The following NBEAL1 variants were observed in gnomAD, a reference collection of about 807,000 sequenced individuals.
The protein encoded by NBEAL1 is neurobeachin-like protein 1.
A neutral mutation model predicts 351.3 loss-of-function variants in NBEAL1; 273 were observed. That is an observed-to-expected ratio of 0.78 (90% CI 0.70 to 0.86). NBEAL1 has a LOEUF of 0.86. Among genes scored for constraint, NBEAL1 ranks in the 40% least tolerant of loss-of-function variants. The pLI, the probability that NBEAL1 is intolerant of heterozygous loss-of-function variation, is 0.00. For missense variants in NBEAL1, 2,961 were observed against 3,201.3 expected (o/e 0.92, Z 1.81); for synonymous variants, 1,050 against 1,086.4 (o/e 0.97, Z 0.66).
In NBEAL1 at chr2:203,038,275, A is replaced by G. The variant is rs1428819500; in HGVS notation, c.52-3490A>G. Among the ~76,000 whole-genome samples, 3 of 149,020 alleles carry G rather than the reference A, an allele frequency of 2.0e-5. 1 individual carries two copies. The highest frequency in any genetic ancestry group is 3.0e-5 in the Non-Finnish European group (2 of 66,462). ...AATGGCTGGGCTGTTTGATATGTGT[A>G]TATTTAACTTAAACTTTTCTAAGTG... On this transcript the variant is annotated intron_variant, in intron 2 of 55. Transcript: ENST00000683969.
In NBEAL1 at chr2:203,168,246, A is replaced by G. The variant is rs979942466; in HGVS notation, c.5997+886A>G. On this transcript the variant is annotated intron_variant, in intron 38 of 55. Transcript: ENST00000683969. The stretch of plus-strand genomic sequence containing the variant: ...TGTATAACTTTATTGTCTTTAAAGT[A>G]CATTTCTATAAAGTAGCTAATCTTT... 4.6e-5 allele frequency among the ~76,000 whole-genome samples: 7 copies of G among 152,378 alleles called. No individual in the cohort carries two copies. In the East Asian group the frequency reaches 1.3e-3, roughly 29 times the overall value.
At chr2:203,096,721 C>G (rs560378774) in intron 10 of NBEAL1, among the ~76,000 whole-genome samples, 3 of 152,262 alleles carry the variant, frequency 2.0e-5, no homozygotes, top group African/African-American at 7.2e-5. Context: ...AATGTGTGGT[C>G]AGATAAATTT....
intron 19 of NBEAL1, among the ~76,000 whole-genome samples, chr2:203,123,376 G>A (rs1301245700): frequency 7.0e-5 from 10 of 142,118 alleles, no homozygotes; most frequent in African/African-American, 2.1e-4. Flanking sequence ...TTTTGCTGTC[G>A]CCCTGGCTGG....
At chr2:203,111,876 G>A (rs762459247) in intron 15 of NBEAL1, 103 bp from the exon 16 acceptor site, 40 of 1,281,626 alleles carry the variant, frequency 3.1e-5, no homozygotes, top group Middle Eastern at 2.1e-4. Context: ...TAATCTTAAC[G>A]TTCTACTATT....
chr2:203,114,511 CT>C (rs1486230351), intron 17 of NBEAL1, among the ~76,000 whole-genome samples: 1 of 151,914 alleles, frequency 6.6e-6, no homozygotes, highest in East Asian at 1.9e-4. Flanking sequence ...TTTTGTTTTT[CT>C]TTTGGCTATG....
At chr2:203,054,224 C>T (rs1007120834) in intron 4 of NBEAL1, among the ~76,000 whole-genome samples, 3 of 151,970 alleles carry the variant, frequency 2.0e-5, no homozygotes, top group Admixed American at 6.6e-5. Flanking sequence ...TCAGGAGTTC[C>T]GGACCAGCCT....
In NBEAL1 at chr2:203,049,914, T is replaced by A. The variant is rs1307953468; in HGVS notation, c.244T>A (p.Leu82Ile). ...GTGTGTTCAGAAAATGGCAGATGGG[T>A]TAGAGGAACAACAGCAAGCCTTGTC... ...LQCVQKMADG[L>I]EEQQQALSIL... The change falls in exon 4 of 56, where the codon TTA becomes ATA. Residue 82 changes from leucine (L) to isoleucine (I), a missense_variant. Transcript: ENST00000683969. The A allele has an allele frequency of 6.4e-7, 1 of 1,556,708 alleles. No individual in the cohort carries two copies. The highest frequency in any genetic ancestry group is 1.7e-4 in the Middle Eastern group (1 of 5,998).
rs138751871 is a variant in NBEAL1 at position 203,030,040 on chromosome 2, G to T, written c.52-11725G>T. Among the ~76,000 whole-genome samples the T allele has an allele frequency of 2.1e-3, 327 of 152,228 alleles. 3 individuals carry two copies. Among genetic ancestry groups the T allele is most frequent in the Non-Finnish European group, 2.5e-3 (171 of 68,018 alleles). ...ATAGCTTAGTGGAAAAGGTAGCATC[G>T]ATCAAGGTTTTAAAGGATCTATAGT... On this transcript the variant is annotated intron_variant, in intron 2 of 55. Coordinates refer to ENST00000683969, the MANE Select transcript of NBEAL1 (RefSeq NM_001378026.1).
In NBEAL1 at chr2:203,038,354, C is replaced by T. The variant is rs774236597; in HGVS notation, c.52-3411C>T. On this transcript the variant is annotated intron_variant, in intron 2 of 55. Coordinates refer to ENST00000683969, the MANE Select transcript of NBEAL1 (RefSeq NM_001378026.1). Reference sequence around the variant, plus strand: ...ATGTATGAGAGTTACAGTTACTGCACGTCTTCACTAACATGATATAGTTTT... The same window carrying T: ...ATGTATGAGAGTTACAGTTACTGCATGTCTTCACTAACATGATATAGTTTT... 1.3e-5 allele frequency among the ~76,000 whole-genome samples: 2 copies of T among 148,978 alleles called. 1 individual carries two copies. Among genetic ancestry groups the T allele is most frequent in the Non-Finnish European group, 3.0e-5 (2 of 66,524 alleles).
chr2:203,169,872 C>T (rs1379751839), intron 39 of NBEAL1, 21 bp downstream of exon 39: 2 of 1,333,050 alleles, frequency 1.5e-6, no homozygotes. Context: ...GTAATAGTCT[C>T]TAATGAACTG....
intron 45 of NBEAL1, among the ~76,000 whole-genome samples, chr2:203,189,360 G>A (rs1350361535): frequency 6.6e-6 from 1 of 152,074 alleles, no homozygotes; most frequent in African/African-American, 2.4e-5. Context: ...AGTATAATTT[G>A]TATTTTTGCA....
intron 7 of NBEAL1, among the ~76,000 whole-genome samples, chr2:203,074,098 G>A (rs968750967): frequency 1.3e-5 from 2 of 151,974 alleles, no homozygotes; most frequent in African/African-American, 4.8e-5. Context: ...CTAAAAGAGA[G>A]GTCATCACAA....
Position 203,110,205 on chromosome 2 carries a change from T to C in NBEAL1, c.2005T>C (p.Leu669=), listed in dbSNP as rs1004157727. 1.9e-5 allele frequency: 30 copies of C among 1,553,682 alleles called. No homozygotes were observed. Among genetic ancestry groups the C allele is most frequent in the Non-Finnish European group, 2.5e-5 (29 of 1,147,500 alleles). The change falls in exon 15 of 56, where the codon TTG becomes CTG. Residue 669 remains leucine, a synonymous_variant. Coordinates refer to ENST00000683969, the MANE Select transcript of NBEAL1 (RefSeq NM_001378026.1). ...AGCCTTTATTACCCATTCAGGTATG[T>C]TGGTCGTGGCAGTGTGCACAAAAAG... ...FEAFITHSGM[L]VVAVCTKREY...
At chr2:203,113,980 C>G (rs2062632785) in intron 17 of NBEAL1, among the ~76,000 whole-genome samples, 1 of 152,022 alleles carries the variant, frequency 6.6e-6, no homozygotes, top group Non-Finnish European at 1.5e-5. Context: ...CGCCACCATG[C>G]CGGGCTAATT....
intron 51 of NBEAL1, among the ~76,000 whole-genome samples, chr2:203,203,773 T>G (rs889121926): frequency 2.0e-5 from 3 of 152,172 alleles, no homozygotes; most frequent in African/African-American, 7.2e-5. Context: ...CTTGGTAATT[T>G]ATTTATCTAC....
intron 10 of NBEAL1, among the ~76,000 whole-genome samples, chr2:203,087,544 C>CT (rs1559356414): frequency 6.6e-6 from 1 of 152,204 alleles, no homozygotes; most frequent in East Asian, 1.9e-4. Context: ...GTGCAAGGCT[C>CT]TAAGACATCT....
chr2:203,051,433 A>G (rs2061321471), intron 4 of NBEAL1, among the ~76,000 whole-genome samples: 1 of 151,696 alleles, frequency 6.6e-6, no homozygotes, highest in Non-Finnish European at 1.5e-5. Flanking sequence ...AATCCCAGCT[A>G]CTCAGGAGGC....
chr2:203,169,470 G>T (rs1227285982), intron 38 of NBEAL1, among the ~76,000 whole-genome samples: 10 of 151,080 alleles, frequency 6.6e-5, no homozygotes, highest in African/African-American at 2.4e-4. Context: ...AGAGCTTGAG[G>T]TGGGAGGATC....
At chr2:203,108,778 G>A (rs1321008260) in intron 14 of NBEAL1, among the ~76,000 whole-genome samples, 2 of 152,194 alleles carry the variant, frequency 1.3e-5, no homozygotes, top group Non-Finnish European at 2.9e-5. Context: ...GCCAGGTGTG[G>A]TGGCACACTT....
Sources: allele counts gnomAD v4.1 joint callset (sites outside exome capture counted in the v4.1 genomes callset), GRCh38; gene constraint gnomAD v4.1.1; transcripts MANE v1.5; gene names NCBI Gene and HGNC (gene_info 2026-07-23, HGNC 2026-07-21).